PRKCH: variants seen among roughly 807,000 people sequenced by gnomAD.
PRKCH encodes the protein protein kinase C eta.
In PRKCH, 28 loss-of-function variants were observed where a neutral mutation model predicts 82.5. That is an observed-to-expected ratio of 0.34 (90% CI 0.25 to 0.47). PRKCH has a LOEUF of 0.47. Among genes scored for constraint, PRKCH ranks in the 20% least tolerant of loss-of-function variants. The pLI is 1.00. For missense variants in PRKCH, 705 were observed against 881.8 expected (o/e 0.80, Z 2.54); for synonymous variants, 322 against 327.4 (o/e 0.98, Z 0.18).
chr14:61,343,017 T>C (rs990818005), intron 1 of PRKCH, among the ~76,000 whole-genome samples: 5 of 152,178 alleles, frequency 3.3e-5, no homozygotes, highest in Admixed American at 3.3e-4. Context: ...ATGGATCCGA[T>C]ATTGTTCTGA....
At chr14:61,309,303 T>G (rs1172632670) in intron 1 of PRKCH, among the ~76,000 whole-genome samples, 1 of 151,992 alleles carries the variant, frequency 6.6e-6, no homozygotes, top group African/African-American at 2.4e-5. Context: ...TTACCTCTGA[T>G]TTGAAGGTTC....
At chr14:61,464,121 T>A (rs1468625587) in intron 9 of PRKCH, among the ~76,000 whole-genome samples, 1 of 152,214 alleles carries the variant, frequency 6.6e-6, no homozygotes, top group Non-Finnish European at 1.5e-5. Flanking sequence ...TAGTTCTATT[T>A]TAATTTTTTG....
intron 1 of PRKCH, among the ~76,000 whole-genome samples, chr14:61,243,477 CA>C (rs1489398549): frequency 6.6e-6 from 1 of 151,122 alleles, no homozygotes; most frequent in Non-Finnish European, 1.5e-5. Flanking sequence ...ATAACATGTG[CA>C]AAGAGCCTGA....
chr14:61,204,393 A>C (rs368704606), intron 1 of PRKCH, among the ~76,000 whole-genome samples: 18 of 152,204 alleles, frequency 1.2e-4, no homozygotes, highest in African/African-American at 4.3e-4. Context: ...GTAACTAATA[A>C]ATGGAGAAAT....
intron 1 of PRKCH, among the ~76,000 whole-genome samples, chr14:61,247,718 A>T (rs183734240): frequency 1.5e-5 from 2 of 130,690 alleles, no homozygotes; most frequent in African/African-American, 5.8e-5. Context: ...CTTGAGAGAC[A>T]GAGTGAGACT....
intron 1 of PRKCH, among the ~76,000 whole-genome samples, chr14:61,232,068 G>A (rs941350742): frequency 6.6e-6 from 1 of 152,154 alleles, no homozygotes; most frequent in Non-Finnish European, 1.5e-5. Context: ...CCCAACTTCA[G>A]ATGCCAATCA....
intron 1 of PRKCH, among the ~76,000 whole-genome samples, chr14:61,276,205 TAAG>T (rs1475144974): frequency 3.3e-5 from 5 of 152,080 alleles, no homozygotes; most frequent in African/African-American, 9.7e-5. Context: ...GGAGGAGACT[TAAG>T]AGACATTTTC....
chr14:61,405,117 C>T (rs1010976275), intron 2 of PRKCH, among the ~76,000 whole-genome samples: 1 of 152,194 alleles, frequency 6.6e-6, no homozygotes, highest in South Asian at 2.1e-4. Context: ...ATTCCAAATT[C>T]ATGATAACAA....
chr14:61,196,109 A>G (rs1175711268), intron 1 of PRKCH, among the ~76,000 whole-genome samples: 1 of 152,176 alleles, frequency 6.6e-6, no homozygotes, highest in African/African-American at 2.4e-5. Flanking sequence ...GCCAATGCAT[A>G]AAGTCCTTAA....
chr14:61,272,042 G>A (rs557732470), intron 1 of PRKCH, among the ~76,000 whole-genome samples: 2 of 152,148 alleles, frequency 1.3e-5, no homozygotes, highest in South Asian at 4.2e-4. Context: ...TGGTTAACAC[G>A]GTGAAACCCC....
chr14:61,440,011 A>T (rs1431385881), intron 2 of PRKCH, among the ~76,000 whole-genome samples: 1 of 152,196 alleles, frequency 6.6e-6, no homozygotes, highest in Non-Finnish European at 1.5e-5. Flanking sequence ...TGGTAATTAG[A>T]TCCCCAGGGA....
chr14:61,308,688 G>A (rs2045499629), intron 1 of PRKCH, among the ~76,000 whole-genome samples: 1 of 152,116 alleles, frequency 6.6e-6, no homozygotes, highest in South Asian at 2.1e-4. Context: ...GAGTGCAGTG[G>A]TACAAACACG....
At chr14:61,527,930 C>A (rs2042988871) in intron 10 of PRKCH, 1 of 152,302 alleles carries the variant, frequency 6.6e-6, no homozygotes, top group South Asian at 2.1e-4. Flanking sequence ...GCTATCAGAC[C>A]CAGCTCAATT....
At chr14:61,428,572 C>T (rs1251446420) in intron 2 of PRKCH, among the ~76,000 whole-genome samples, 2 of 152,138 alleles carry the variant, frequency 1.3e-5, no homozygotes, top group African/African-American at 2.4e-5. Context: ...CCAGTCTCTA[C>T]CAGATGCTGA....
At chr14:61,450,752 AC>A (rs1884469346) in intron 5 of PRKCH, 89 bp from the exon 6 acceptor site, 2 of 1,476,896 alleles carry the variant, frequency 1.4e-6, no homozygotes, top group Non-Finnish European at 1.8e-6. Flanking sequence ...TCATAGTGAC[AC>A]TTTGCATTTG....
At chr14:61,505,395 C>CTTTTTCTTTTTTT (rs1887099057) in intron 10 of PRKCH, among the ~76,000 whole-genome samples, 15 of 55,766 alleles carry the variant, frequency 2.7e-4, no homozygotes, top group African/African-American at 5.8e-4. Flanking sequence ...CTTTTCTTTT[C>CTTTTTCTTTTTTT]TTTTTTTTTT....
At chr14:61,189,935 C>T (rs940905310) in intron 1 of PRKCH, among the ~76,000 whole-genome samples, 3 of 152,082 alleles carry the variant, frequency 2.0e-5, no homozygotes, top group Admixed American at 2.0e-4. Context: ...CTTTCTCTCT[C>T]CCTTTCATTT....
chr14:61,491,424 A>G (rs1886445597), intron 10 of PRKCH, among the ~76,000 whole-genome samples: 1 of 152,174 alleles, frequency 6.6e-6, no homozygotes, highest in Admixed American at 6.5e-5. Context: ...GTATATTAGT[A>G]ACTTTCACAT....
chr14:61,455,187 G>A (rs1487268267), intron 7 of PRKCH, among the ~76,000 whole-genome samples: 1 of 141,936 alleles, frequency 7.0e-6, no homozygotes, highest in Admixed American at 7.5e-5. Flanking sequence ...CCGCCACCAC[G>A]CCCAGCTAAT....
Sources: gnomAD v4.1 joint callset for allele counts (sites outside exome capture counted in the v4.1 genomes callset) on GRCh38, gnomAD v4.1.1 for gene constraint, MANE v1.5 for transcripts, NCBI Gene and HGNC (gene_info 2026-07-23, HGNC 2026-07-21) for gene names.